CNTN5: variants seen among roughly 807,000 people sequenced by gnomAD.
CNTN5 encodes the protein contactin 5.
A neutral mutation model predicts 129.1 loss-of-function variants in CNTN5; 77 were observed. The observed-to-expected ratio is 0.60, with a 90% CI of 0.50 to 0.72. The LOEUF (loss-of-function observed/expected upper bound fraction) is 0.72. Ranked by LOEUF, CNTN5 falls within the 30% of genes least tolerant of loss-of-function variation. The pLI, the probability that CNTN5 is intolerant of heterozygous loss-of-function variation, is 0.00. For missense variants in CNTN5, 1,478 were observed against 1,328.8 expected (o/e 1.11, Z -1.75); for synonymous variants, 509 against 465.6 (o/e 1.09, Z -1.20).
intron 1 of CNTN5, among the ~76,000 whole-genome samples, chr11:99,031,954 CCCTTT>C (rs1863408001): frequency 7.6e-6 from 1 of 131,432 alleles, no homozygotes; most frequent in African/African-American, 2.9e-5. Flanking sequence ...GTGTGATGTT[CCCTTT>C]CCTGTGTCCA....
At chr11:100,125,911 A>C (rs991136581) in intron 13 of CNTN5, among the ~76,000 whole-genome samples, 1 of 151,878 alleles carries the variant, frequency 6.6e-6, no homozygotes, top group South Asian at 2.1e-4. Flanking sequence ...TTAATTTAAG[A>C]GCTTTCTATT....
At chr11:99,144,904 T>C (rs1859702594) in intron 1 of CNTN5, among the ~76,000 whole-genome samples, 2 of 152,104 alleles carry the variant, frequency 1.3e-5, no homozygotes, top group African/African-American at 4.8e-5. Context: ...AGGCATTTTA[T>C]ATATTTTATT....
intron 3 of CNTN5, among the ~76,000 whole-genome samples, chr11:99,721,403 A>G (rs1482814432): frequency 3.3e-5 from 5 of 152,176 alleles, no homozygotes; most frequent in Non-Finnish European, 7.3e-5. Context: ...TATTGAATAA[A>G]TGGTGCTTGG....
intron 8 of CNTN5, among the ~76,000 whole-genome samples, chr11:99,972,245 G>A (rs1175795967): frequency 2.0e-5 from 3 of 151,786 alleles, no homozygotes; most frequent in African/African-American, 7.3e-5. Context: ...TGGGCGACAG[G>A]GCGAGACTCT....
At chr11:99,702,587 TCTC>T (rs1181007873) in intron 3 of CNTN5, among the ~76,000 whole-genome samples, 59 of 151,044 alleles carry the variant, frequency 3.9e-4, no homozygotes, top group African/African-American at 1.4e-3. Context: ...ACTAACTCAT[TCTC>T]CTGACATTTT....
chr11:99,913,261 A>T (rs192192474), intron 6 of CNTN5, among the ~76,000 whole-genome samples: 102 of 152,060 alleles, frequency 6.7e-4, no homozygotes, highest in Admixed American at 3.0e-3. Context: ...ATCCCCATCA[A>T]CCAAGAATTT....
At chr11:99,418,597 AT>A (rs1942762285) in intron 2 of CNTN5, among the ~76,000 whole-genome samples, 1 of 152,164 alleles carries the variant, frequency 6.6e-6, no homozygotes, top group Admixed American at 6.6e-5. Context: ...ACAGACAATG[AT>A]TTCTGATTAT....
chr11:99,613,230 T>A (rs1418405812), intron 3 of CNTN5, among the ~76,000 whole-genome samples: 2 of 152,182 alleles, frequency 1.3e-5, no homozygotes. Context: ...TGGAGGTAGT[T>A]AAATCATGGG....
intron 7 of CNTN5, among the ~76,000 whole-genome samples, chr11:99,953,480 CAA>C (rs1284877309): frequency 2.6e-5 from 4 of 152,212 alleles, no homozygotes; most frequent in Non-Finnish European, 5.9e-5. Flanking sequence ...GCTGATCTCA[CAA>C]GAAAGAAAAG....
intron 6 of CNTN5, among the ~76,000 whole-genome samples, chr11:99,882,624 T>A (rs1948800530): frequency 6.6e-6 from 1 of 152,182 alleles, no homozygotes; most frequent in Non-Finnish European, 1.5e-5. Flanking sequence ...TGAGATATAC[T>A]GATACAGACA....
At chr11:100,070,638 C>G in intron 11 of CNTN5, 78 bp downstream of exon 11, 1 of 1,380,298 alleles carries the variant, frequency 7.2e-7, no homozygotes, top group Non-Finnish European at 1.0e-6. Context: ...CTTCTTTAGT[C>G]TTATTGAAAG....
intron 8 of CNTN5, among the ~76,000 whole-genome samples, chr11:99,982,285 G>A (rs1938394925): frequency 6.6e-6 from 1 of 152,146 alleles, no homozygotes; most frequent in South Asian, 2.1e-4. Context: ...AAAATAAAGA[G>A]CTTGAATTTC....
intron 1 of CNTN5, among the ~76,000 whole-genome samples, chr11:99,215,305 A>G (rs974929268): frequency 1.3e-5 from 2 of 152,164 alleles, no homozygotes; most frequent in Admixed American, 6.6e-5. Flanking sequence ...ATAGAGCTTC[A>G]AACATGGAAA....
At chr11:99,642,857 G>A (rs1951820547) in intron 3 of CNTN5, among the ~76,000 whole-genome samples, 1 of 152,140 alleles carries the variant, frequency 6.6e-6, no homozygotes, top group Non-Finnish European at 1.5e-5. Flanking sequence ...TATTAGCCCT[G>A]TGCTTGACTT....
chr11:99,611,524 T>A (rs1950592782), intron 3 of CNTN5, among the ~76,000 whole-genome samples: 1 of 152,194 alleles, frequency 6.6e-6, no homozygotes, highest in African/African-American at 2.4e-5. Flanking sequence ...AAGTGTGCAT[T>A]AATAGAGTCT....
chr11:100,127,651 C>T (rs201021199), intron 13 of CNTN5, among the ~76,000 whole-genome samples: 11 of 81,294 alleles, frequency 1.4e-4, no homozygotes, highest in Admixed American at 6.5e-4. Flanking sequence ...TTCTTTCTTT[C>T]TTTTTTTTTT....
At chr11:99,711,896 G>A (rs1255474749) in intron 3 of CNTN5, among the ~76,000 whole-genome samples, 1 of 152,028 alleles carries the variant, frequency 6.6e-6, no homozygotes, top group Non-Finnish European at 1.5e-5. Context: ...GGGTATTTGG[G>A]CTGGTTCCAA....
At chr11:99,918,797 C>T (rs1005952314) in intron 7 of CNTN5, among the ~76,000 whole-genome samples, 3 of 152,154 alleles carry the variant, frequency 2.0e-5, no homozygotes, top group Admixed American at 1.3e-4. Flanking sequence ...ACACTAACTT[C>T]CTTATCCTTT....
At chr11:99,201,614 G>T (rs1859214132) in intron 1 of CNTN5, among the ~76,000 whole-genome samples, 1 of 152,038 alleles carries the variant, frequency 6.6e-6, no homozygotes, top group African/African-American at 2.4e-5. Flanking sequence ...AAACAATTAT[G>T]CTGAATCATT....
Sources: allele counts gnomAD v4.1 joint callset (sites outside exome capture counted in the v4.1 genomes callset), GRCh38; gene constraint gnomAD v4.1.1; transcripts MANE v1.5; gene names NCBI Gene and HGNC (gene_info 2026-07-23, HGNC 2026-07-21).